Variants in MGMT observed in about 807,000 individuals in gnomAD.
MGMT encodes the protein methylated-DNA--protein-cysteine methyltransferase.
MGMT carries 14 observed loss-of-function variants against 15.9 expected under a neutral mutation model. The observed-to-expected ratio is 0.88, with a 90% confidence interval of 0.58 to 1.37. The LOEUF (loss-of-function observed/expected upper bound fraction) is 1.37. MGMT is among the 40% of genes most tolerant of loss of function. The pLI is 0.00. For missense variants in MGMT, 282 were observed against 268.1 expected (o/e 1.05, Z -0.36); for synonymous variants, 130 against 118.2 (o/e 1.10, Z -0.65).
Position 129,698,878 on chromosome 10 carries a change from TATTAATCA to T in MGMT, c.126-9015_126-9008del, listed in dbSNP as rs576358722. 2.7e-3 allele frequency among the ~76,000 whole-genome samples: 416 copies of T among 152,366 alleles called. 1 individual carries two copies. The highest frequency in any genetic ancestry group is 5.0e-3 in the Admixed American group (77 of 15,312). On this transcript the variant is annotated intron_variant, in intron 2 of 4. Transcript: ENST00000651593. ...CAAATGTACATACAGCAAACTTTGC[TATTAATCA>T]ACAGTCAGGCACCGCAAGTGGGGTC...
chr10:129,503,834 A>G (rs1408072626), intron 1 of MGMT, among the ~76,000 whole-genome samples: 1 of 152,190 alleles, frequency 6.6e-6, no homozygotes, highest in Non-Finnish European at 1.5e-5. Context: ...AATGTTACAG[A>G]CTTTTTCCTC....
chr10:129,723,905 C>T (rs905340152), intron 3 of MGMT, among the ~76,000 whole-genome samples: 14 of 152,266 alleles, frequency 9.2e-5, no homozygotes, highest in African/African-American at 3.4e-4. Flanking sequence ...CGCAGCCTCG[C>T]CTCTCGTATA....
chr10:129,597,131 C>T (rs765122108), intron 2 of MGMT, among the ~76,000 whole-genome samples: 15 of 152,080 alleles, frequency 9.9e-5, no homozygotes, highest in Admixed American at 6.6e-4. Flanking sequence ...AGAGCTGGGG[C>T]GTGGAGAGGG....
chr10:129,470,419 G>A (rs774089543), intron 1 of MGMT, among the ~76,000 whole-genome samples: 12 of 152,152 alleles, frequency 7.9e-5, no homozygotes, highest in Non-Finnish European at 1.5e-4. Context: ...AGCTTATATC[G>A]GAGGGCTGCA....
At chr10:129,750,933 T>C (rs557779280) in intron 3 of MGMT, among the ~76,000 whole-genome samples, 1 of 152,226 alleles carries the variant, frequency 6.6e-6, no homozygotes, top group East Asian at 1.9e-4. Flanking sequence ...CTTGTTCTTT[T>C]TATATATTGC....
chr10:129,660,312 C>T lies in MGMT; in HGVS notation c.126-47583C>T, dbSNP rs932787609. ...TCTCGGCGGATGGGCGAGTGCTGTT[C>T]GCCTGTGGTCTGTCTCAGGGGTTCT... On this transcript the variant is annotated intron_variant, in intron 2 of 4. Transcript: ENST00000651593. 2.6e-5 allele frequency among the ~76,000 whole-genome samples: 4 copies of T among 151,816 alleles called. No individual in the cohort carries two copies. The East Asian group carries it at 5.8e-4, about 22-fold the overall frequency.
intron 1 of MGMT, among the ~76,000 whole-genome samples, chr10:129,509,558 T>C (rs1425310883): frequency 6.6e-6 from 1 of 152,238 alleles, no homozygotes; most frequent in African/African-American, 2.4e-5. Context: ...TTAGAATTGA[T>C]CGAATTCCTA....
At chr10:129,645,741 A>G (rs1382859187) in intron 2 of MGMT, among the ~76,000 whole-genome samples, 2 of 152,152 alleles carry the variant, frequency 1.3e-5, no homozygotes, top group Non-Finnish European at 2.9e-5. Flanking sequence ...CTTTCTCCTT[A>G]GAGCATCTGT....
intron 3 of MGMT, among the ~76,000 whole-genome samples, chr10:129,742,602 A>G (rs1349080116): frequency 2.0e-5 from 3 of 150,702 alleles, no homozygotes; most frequent in East Asian, 2.0e-4. Flanking sequence ...GCAGTGCCCC[A>G]CTACCACAGC....
At chr10:129,603,688 A>G (rs1027454348) in intron 2 of MGMT, among the ~76,000 whole-genome samples, 6 of 152,258 alleles carry the variant, frequency 3.9e-5, no homozygotes, top group African/African-American at 9.6e-5. Context: ...GCTAATTTCA[A>G]ATGCCTTTGT....
chr10:129,719,499 C>T (rs1029237542), intron 3 of MGMT, among the ~76,000 whole-genome samples: 4 of 152,324 alleles, frequency 2.6e-5, no homozygotes, highest in East Asian at 1.9e-4. Context: ...GACCGAGGTG[C>T]GGCAGGGTGT....
At chr10:129,747,436 A>G (rs902805606) in intron 3 of MGMT, among the ~76,000 whole-genome samples, 1 of 152,136 alleles carries the variant, frequency 6.6e-6, no homozygotes, top group Admixed American at 6.5e-5. Flanking sequence ...TTCTGACTGG[A>G]TATAGATTAT....
rs1419442004 is a variant in MGMT, at chr10:129,767,358, G to A, written c.*361G>A. On this transcript the variant is annotated 3_prime_UTR_variant, in exon 5 of 5. Coordinates refer to ENST00000651593, the MANE Select transcript of MGMT (RefSeq NM_002412.5). ...GGCCAGCTAAGGCCCATCCCAGGCC[G>A]TCCACACTAGAAAGCTGGCCCTGCC... The A allele has an allele frequency of 2.3e-5, 4 of 170,518 alleles. No individual in the cohort carries two copies. Among genetic ancestry groups the A allele is most frequent in the South Asian group, 1.7e-4 (1 of 5,786 alleles). 10.6% of individuals were successfully genotyped at this position (170,518 alleles called of 1,614,324 possible). A position where few individuals can be genotyped will look rare whatever the true frequency, so the allele number is the denominator to read the frequency against.
At chr10:129,635,664 A>T (rs1446806478) in intron 2 of MGMT, among the ~76,000 whole-genome samples, 1 of 152,218 alleles carries the variant, frequency 6.6e-6, no homozygotes, top group East Asian at 1.9e-4. Context: ...ATTTACATGA[A>T]GTTTTAAAAA....
intron 2 of MGMT, among the ~76,000 whole-genome samples, chr10:129,599,659 A>T (rs1252701041): frequency 1.3e-5 from 2 of 152,198 alleles, no homozygotes; most frequent in East Asian, 3.9e-4. Context: ...CAGTGCAGAC[A>T]TATGCTTGTA....
At position 129,769,816 on chromosome 10, in the gene MGMT, C is replaced by T. The variant is rs570561310; in HGVS notation, c.*2819C>T. ...GAGGCCAGAGAAGAGAAGCTATGACCGTGCAAACATGCATGTTATGGTGTT... is the reference window on the plus strand; with the variant it reads ...GAGGCCAGAGAAGAGAAGCTATGACTGTGCAAACATGCATGTTATGGTGTT... On this transcript the variant is annotated 3_prime_UTR_variant, in exon 5 of 5. Transcript: ENST00000651593. Among the ~76,000 whole-genome samples, 27 of 152,276 alleles carry T rather than the reference C, an allele frequency of 1.8e-4. No individual in the cohort carries two copies. The highest frequency in any genetic ancestry group is 5.5e-4 in the African/African-American group (23 of 41,548).
At chr10:129,638,356 G>A (rs1342261886) in intron 2 of MGMT, among the ~76,000 whole-genome samples, 2 of 145,122 alleles carry the variant, frequency 1.4e-5, no homozygotes, top group Non-Finnish European at 3.0e-5. Flanking sequence ...AAGAAATAAT[G>A]GATATAAATT....
chr10:129,696,250 G>A (rs574941294), intron 2 of MGMT, among the ~76,000 whole-genome samples: 91 of 152,298 alleles, frequency 6.0e-4, no homozygotes, highest in African/African-American at 2.1e-3. Flanking sequence ...CATGAAGGTG[G>A]TGCTTGAAGG....
At chr10:129,638,511 A>T (rs1031604878) in intron 2 of MGMT, among the ~76,000 whole-genome samples, 20 of 151,904 alleles carry the variant, frequency 1.3e-4, no homozygotes, top group African/African-American at 4.6e-4. Context: ...GAATAGAGAG[A>T]AAAATCTAAA....
Sources: allele counts gnomAD v4.1 joint callset (sites outside exome capture counted in the v4.1 genomes callset), GRCh38; gene constraint gnomAD v4.1.1; transcripts MANE v1.5; gene names NCBI Gene and HGNC (gene_info 2026-07-23, HGNC 2026-07-21).